FGF13: variants seen among roughly 807,000 people sequenced by gnomAD.
The protein encoded by FGF13 is fibroblast growth factor 13, also known as fibroblast growth factor homologous factor 2.
In FGF13, 2 loss-of-function variants were observed where a neutral mutation model predicts 19.5. The ratio of observed to expected loss-of-function variants is 0.10; its 90% CI spans 0.04 to 0.32. The LOEUF is 0.32. Among genes scored for constraint, FGF13 ranks in the 10% least tolerant of loss-of-function variants. The pLI, the probability that FGF13 is intolerant of heterozygous loss-of-function variation, is 1.00. For missense variants in FGF13, 113 were observed against 192.7 expected (o/e 0.59, Z 2.45); for synonymous variants, 72 against 76.9 (o/e 0.94, Z 0.33).
intron 1 of FGF13, among the ~76,000 whole-genome samples, chrX:139,105,924 C>T (rs5976275): frequency 8.9e-6 from 1 of 111,898 alleles, no homozygotes; most frequent in Admixed American, 9.5e-5. Flanking sequence ...AGTAAACTTC[C>T]CTCAAGAAAA....
At chrX:139,048,865 A>AT (rs1647268831) in intron 1 of FGF13, among the ~76,000 whole-genome samples, 1 of 111,235 alleles carries the variant, frequency 9.0e-6, no homozygotes, top group Non-Finnish European at 1.9e-5. Context: ...AATAATAATA[A>AT]TTTTGTCATT....
intron 3 of FGF13, among the ~76,000 whole-genome samples, chrX:138,663,425 A>G: frequency 1.8e-5 from 2 of 111,659 alleles, no homozygotes; most frequent in Middle Eastern, 9.1e-3. Flanking sequence ...ATATACACAG[A>G]TAGTTGAAAG....
At chrX:138,955,457 G>C (rs776785463) in intron 1 of FGF13, among the ~76,000 whole-genome samples, 4 of 112,013 alleles carry the variant, frequency 3.6e-5, no homozygotes, top group Admixed American at 1.9e-4. Context: ...GTCCTCAAAA[G>C]ACTCTCCTAA....
intron 1 of FGF13, among the ~76,000 whole-genome samples, chrX:138,929,527 A>C (rs2091691147): frequency 9.0e-6 from 1 of 110,792 alleles, no homozygotes; most frequent in Non-Finnish European, 1.9e-5. Flanking sequence ...AGCCAGTAAA[A>C]AAGAATGAAA....
chrX:139,178,957 A>C (rs2084216102), intron 1 of FGF13, among the ~76,000 whole-genome samples: 1 of 111,971 alleles, frequency 8.9e-6, no homozygotes, highest in Admixed American at 9.5e-5. Flanking sequence ...TTATTGACTC[A>C]GTGAAAGGAA....
chrX:138,762,612 A>C (rs1247287174), intron 3 of FGF13, among the ~76,000 whole-genome samples: 1 of 111,759 alleles, frequency 8.9e-6, no homozygotes, highest in Non-Finnish European at 1.9e-5. Context: ...TGGTATTGAC[A>C]GTCAAATTGT....
intron 1 of FGF13, among the ~76,000 whole-genome samples, chrX:138,724,293 G>A (rs984593304): frequency 3.6e-5 from 4 of 111,802 alleles, no homozygotes; most frequent in African/African-American, 1.3e-4. Flanking sequence ...AGGGCCATGG[G>A]ATCACACAGA....
intron 3 of FGF13, among the ~76,000 whole-genome samples, chrX:138,821,265 A>T (rs1472769861): frequency 8.9e-6 from 1 of 111,965 alleles, no homozygotes; most frequent in East Asian, 2.8e-4. Flanking sequence ...GTCCACTAGC[A>T]ACATAAGGCT....
rs201409554 is a variant in FGF13 at position 139,171,629 on chromosome X, GA to G, written c.-113+31786del. On this transcript the variant is annotated intron_variant, in intron 1 of 2. Transcript: ENST00000421460. Reference sequence around the variant, plus strand: ...AGTAATGACTTTCATTTTGTAAAAAGAAAAAAAAATCAATTTAATTTCTAAA... The same window carrying G: ...AGTAATGACTTTCATTTTGTAAAAAGAAAAAAAATCAATTTAATTTCTAAA... Among the ~76,000 whole-genome samples, 83 of 108,751 alleles carry G rather than the reference GA, an allele frequency of 7.6e-4. 1 individual carries two copies. Among genetic ancestry groups the G allele is most frequent in the Non-Finnish European group, 1.3e-3 (66 of 51,963 alleles). The allele number at this position is 108,751 out of a possible 115,157, so 94.4% of individuals were successfully genotyped here. A position where few individuals can be genotyped will look rare whatever the true frequency, so the allele number is the denominator to read the frequency against.
At chrX:138,942,108 C>A (rs1395716832) in intron 1 of FGF13, among the ~76,000 whole-genome samples, 1 of 112,076 alleles carries the variant, frequency 8.9e-6, no homozygotes, top group Non-Finnish European at 1.9e-5. Context: ...ATATGTCTCG[C>A]ATGGGGAGAT....
At chrX:139,045,497 C>T (rs1038294100) in intron 1 of FGF13, among the ~76,000 whole-genome samples, 8 of 112,652 alleles carry the variant, frequency 7.1e-5, no homozygotes, top group Non-Finnish European at 1.3e-4. Flanking sequence ...TGCCACAGGG[C>T]CAGGCTGCAA....
chrX:138,984,623 AGAG>A (rs200099451), intron 1 of FGF13, among the ~76,000 whole-genome samples: 3,766 of 23,828 alleles, frequency 0.16, 365 homozygotes, highest in East Asian at 0.39. Flanking sequence ...AGGATGAGGA[AGAG>A]GAGGAGGAGG....
intron 3 of FGF13, among the ~76,000 whole-genome samples, chrX:138,771,035 C>T (rs185691722): frequency 9.0e-6 from 1 of 111,450 alleles, no homozygotes; most frequent in African/African-American, 3.3e-5. Context: ...TCCCAGGCCA[C>T]GGTGGGGGAT....
At chrX:138,774,535 A>C (rs1339539204) in intron 3 of FGF13, among the ~76,000 whole-genome samples, 2 of 111,720 alleles carry the variant, frequency 1.8e-5, no homozygotes, top group Admixed American at 9.5e-5. Context: ...TTGGTGCCAG[A>C]GTCCTTGCTC....
chrX:138,962,014 A>AT (rs2091873527), intron 1 of FGF13, among the ~76,000 whole-genome samples: 2 of 112,194 alleles, frequency 1.8e-5, no homozygotes, highest in Admixed American at 1.9e-4. Flanking sequence ...TAAACTAAAG[A>AT]GCTTCTGCAC....
At chrX:138,774,014 A>G (rs1354563129) in intron 3 of FGF13, among the ~76,000 whole-genome samples, 1 of 111,497 alleles carries the variant, frequency 9.0e-6, no homozygotes, top group Non-Finnish European at 1.9e-5. Context: ...TCCAATGACA[A>G]CAGTCTTACT....
At chrX:138,997,818 A>C (rs939673166) in intron 1 of FGF13, among the ~76,000 whole-genome samples, 2 of 112,016 alleles carry the variant, frequency 1.8e-5, no homozygotes, top group South Asian at 7.5e-4. Context: ...ATTCAAATTC[A>C]GGAAACACAG....
chrX:138,636,521 C>T (rs1050835464), intron 3 of FGF13, among the ~76,000 whole-genome samples: 26 of 111,890 alleles, frequency 2.3e-4, no homozygotes, highest in Non-Finnish European at 7.5e-5. Context: ...TGAGTGTACA[C>T]GTGTCTATGT....
At chrX:139,055,930 T>C (rs745506103) in intron 1 of FGF13, among the ~76,000 whole-genome samples, 3 of 112,786 alleles carry the variant, frequency 2.7e-5, no homozygotes, top group Non-Finnish European at 5.6e-5. Context: ...TATACCAAGT[T>C]AGTATGAGTT....
Sources: allele counts gnomAD v4.1 joint callset (sites outside exome capture counted in the v4.1 genomes callset), GRCh38; gene constraint gnomAD v4.1.1; transcripts MANE v1.5; gene names NCBI Gene and HGNC (gene_info 2026-07-23, HGNC 2026-07-21).